The following MACF1 variants were observed in gnomAD, a reference collection of about 807,000 sequenced individuals.
The protein encoded by MACF1 is microtubule actin crosslinking factor 1, also known as microtubule-actin cross-linking factor 1.
Under a neutral mutation model 854.8 loss-of-function variants are expected in MACF1, and 193 were observed. That is an observed-to-expected ratio of 0.23 (90% CI 0.20 to 0.25). The LOEUF (loss-of-function observed/expected upper bound fraction) is 0.25. MACF1 is among the 10% of genes least tolerant of loss of function. The pLI is 1.00. For synonymous variants in MACF1, 3,185 were observed against 3,226.7 expected (o/e 0.99, Z 0.44); for missense variants, 7,722 against 8,929.1 (o/e 0.86, Z 5.45).
At chr1:39,308,662 T>C (rs1646237868) in intron 23 of MACF1, among the ~76,000 whole-genome samples, 1 of 152,210 alleles carries the variant, frequency 6.6e-6, no homozygotes, top group East Asian at 1.9e-4. Flanking sequence ...GTTTTCTTTT[T>C]TTTTTTTCTT....
intron 2 of MACF1, among the ~76,000 whole-genome samples, chr1:39,174,101 G>A (rs1643991889): frequency 6.6e-6 from 1 of 152,120 alleles, no homozygotes; most frequent in Admixed American, 6.5e-5. Context: ...CCAGTTTTTG[G>A]TCATTGCTTC....
chr1:39,234,976 C>T (rs1313452683), intron 2 of MACF1, among the ~76,000 whole-genome samples: 1 of 151,884 alleles, frequency 6.6e-6, no homozygotes, highest in Admixed American at 6.5e-5. Flanking sequence ...CTCCTCACTT[C>T]CTAGGTGGGA....
At chr1:39,417,718 T>TTTA (rs2148628024) in intron 58 of MACF1, among the ~76,000 whole-genome samples, 1 of 48,734 alleles carries the variant, frequency 2.1e-5, no homozygotes, top group East Asian at 6.1e-4. Flanking sequence ...AGTTAATTTT[T>TTTA]TTTTTTTTTT....
At chr1:39,265,435 G>A (rs2148351636) in intron 6 of MACF1, among the ~76,000 whole-genome samples, 1 of 152,254 alleles carries the variant, frequency 6.6e-6, no homozygotes, top group African/African-American at 2.4e-5. Flanking sequence ...GGTTAGATGA[G>A]AAAAGGTCTT....
chr1:39,364,708 G>A (rs1648531561), intron 49 of MACF1, among the ~76,000 whole-genome samples: 1 of 152,002 alleles, frequency 6.6e-6, no homozygotes, highest in Non-Finnish European at 1.5e-5. Flanking sequence ...TAGCCAGGAT[G>A]GTCTCGATCT....
At chr1:39,123,828 A>G (rs751796942) in intron 2 of MACF1, among the ~76,000 whole-genome samples, 11 of 150,072 alleles carry the variant, frequency 7.3e-5, no homozygotes, top group Non-Finnish European at 1.5e-4. Context: ...GGTTCAAGCA[A>G]TTCTCCTGCC....
chr1:39,464,982 CT>C (rs1384445181), intron 94 of MACF1, 112 bp from the exon 95 acceptor site: 2 of 957,114 alleles, frequency 2.1e-6, no homozygotes, highest in Non-Finnish European at 3.4e-6. Flanking sequence ...GTGTGTGTCA[CT>C]TTGCCAGAAA....
intron 19 of MACF1, among the ~76,000 whole-genome samples, chr1:39,295,352 T>G (rs1571285603): frequency 6.6e-6 from 1 of 152,296 alleles, no homozygotes; most frequent in East Asian, 1.9e-4. Context: ...AGGAAACTAC[T>G]AAGAGAAACA....
At chr1:39,295,190 G>A in intron 19 of MACF1, 40 bp downstream of exon 19, 3 of 1,514,284 alleles carry the variant, frequency 2.0e-6, no homozygotes, top group Non-Finnish European at 2.8e-6. Context: ...AATGCTGAGA[G>A]GTTGTTGTTA....
intron 2 of MACF1, among the ~76,000 whole-genome samples, chr1:39,240,655 C>T (rs771130398): frequency 6.6e-6 from 1 of 152,172 alleles, no homozygotes; most frequent in Non-Finnish European, 1.5e-5. Context: ...TGTGCCACCA[C>T]GCCTGGCTAA....
In MACF1 at chr1:39,318,508, G is replaced by A. The variant is rs946088984; in HGVS notation, c.3838G>A (p.Gly1280Arg). The change falls in exon 30 of 101, where the codon GGA (glycine) becomes AGA (arginine). Residue 1280 changes from glycine (G) to arginine (R), a missense_variant. Gly to Arg is a moderately radical substitution (Grantham distance 125, BLOSUM62 -2). Transcript: ENST00000564288. ...EVLGDYRACH[G>R]TLIKWIEETT... ...TCTGGGAGATTACCGAGCCTGCCAT[G>A]GAACTCTCATCAAGTGGATTGAGGA... 2 of 1,613,952 alleles carry A rather than the reference G, an allele frequency of 1.2e-6. No individual in the cohort carries two copies. Among genetic ancestry groups the A allele is most frequent in the African/African-American group, 2.7e-5 (2 of 74,916 alleles).
rs550355912 is a variant in MACF1, at chr1:39,351,173, C to T, written c.11199+155C>T. On this transcript the variant is annotated intron_variant, in intron 43 of 100. Transcript: ENST00000564288. ...CTAGTCTGGTTTTTGTTTTTTGAGA[C>T]GGAATCTCTGTCACCCAGGCTGGAG... Among the ~76,000 whole-genome samples the T allele has an allele frequency of 2.6e-5, 4 of 152,248 alleles. No individual in the cohort carries two copies. The South Asian group carries it at 6.2e-4, about 24-fold the overall frequency.
chr1:39,171,894 G>T (rs1180925692), intron 2 of MACF1, among the ~76,000 whole-genome samples: 1 of 152,202 alleles, frequency 6.6e-6, no homozygotes, highest in African/African-American at 2.4e-5. Context: ...TCAAAGTGCT[G>T]GGATTATAGG....
rs562960959 is a variant in MACF1 at position 39,191,915 on chromosome 1, C to T, written c.221-39267C>T. ...CGGTGGCTCCCAGCACTTTGGGAGGCCGAAGCAGGTGGATCACTTGAGGCC... is the reference window on the plus strand; with the variant it reads ...CGGTGGCTCCCAGCACTTTGGGAGGTCGAAGCAGGTGGATCACTTGAGGCC... On this transcript the variant is annotated intron_variant, in intron 2 of 93. Coordinates refer to the MACF1 transcript ENST00000361689. Among the ~76,000 whole-genome samples the T allele has an allele frequency of 4.5e-4, 69 of 152,220 alleles. 1 individual carries two copies. Among genetic ancestry groups the T allele is most frequent in the Non-Finnish European group, 3.7e-4 (25 of 68,008 alleles).
chr1:39,465,092 T>C lies in MACF1; in HGVS notation c.21754-3T>C. Reference sequence around the variant, plus strand: ...TCCATCCTTTACTCTTTACTGTCTATAGTTCTTCCTCGGCAATCAGGTACA... The same window carrying C: ...TCCATCCTTTACTCTTTACTGTCTACAGTTCTTCCTCGGCAATCAGGTACA... On this transcript the variant is annotated splice_polypyrimidine_tract_variant and splice_region_variant and intron_variant, in intron 94 of 100. Transcript: ENST00000564288. 6.2e-7 allele frequency: 1 copy of C among 1,612,924 alleles called. No individual in the cohort carries two copies. The highest frequency in any genetic ancestry group is 2.2e-5 in the East Asian group (1 of 44,876).
At chr1:39,250,160 T>G in intron 3 of MACF1, 57 bp downstream of exon 3, 1 of 1,193,096 alleles carries the variant, frequency 8.4e-7, no homozygotes, top group Non-Finnish European at 1.3e-6. Flanking sequence ...GACATATTGG[T>G]CCATCTCATT....
rs953871361 is a variant in MACF1 at position 39,486,886 on chromosome 1, T to A, written c.*1092T>A. Reference sequence around the variant, plus strand: ...AGCTCCGACCATGTTGCTGTGTGATTATCTCAATTGGTTTTAATTGAGGCA... The same window carrying A: ...AGCTCCGACCATGTTGCTGTGTGATAATCTCAATTGGTTTTAATTGAGGCA... On this transcript the variant is annotated 3_prime_UTR_variant, in exon 101 of 101. Transcript: ENST00000564288. The A allele has an allele frequency of 6.6e-6, 1 of 152,658 alleles. No homozygotes were observed. The highest frequency in any genetic ancestry group is 1.5e-5 in the Non-Finnish European group (1 of 68,052). 9.5% of individuals were successfully genotyped at this position (152,658 alleles called of 1,614,324 possible).
At chr1:39,253,351 A>G (rs987011133) in intron 4 of MACF1, among the ~76,000 whole-genome samples, 2 of 151,998 alleles carry the variant, frequency 1.3e-5, no homozygotes, top group Non-Finnish European at 2.9e-5. Context: ...TGCTGTGGGT[A>G]TTTCATGCTG....
chr1:39,115,673 A>G (rs1642526077), intron 2 of MACF1, among the ~76,000 whole-genome samples: 1 of 152,194 alleles, frequency 6.6e-6, no homozygotes, highest in African/African-American at 2.4e-5. Context: ...TCAGCTTATC[A>G]AACCACAGCC....
Sources: gnomAD v4.1 joint callset for allele counts (sites outside exome capture counted in the v4.1 genomes callset) on GRCh38, gnomAD v4.1.1 for gene constraint, MANE v1.5 for transcripts, NCBI Gene and HGNC (gene_info 2026-07-23, HGNC 2026-07-21) for gene names.